The following GABPA variants were observed in gnomAD, a reference collection of about 807,000 sequenced individuals.
GABPA encodes GA binding protein transcription factor subunit alpha, also known as GA-binding protein alpha chain.
Under a neutral mutation model 59.4 loss-of-function variants are expected in GABPA, and 4 were observed. The observed-to-expected ratio is 0.07, with a 90% CI of 0.03 to 0.15. The LOEUF (loss-of-function observed/expected upper bound fraction) is 0.15, where lower values mean the gene tolerates loss of function less well. Among genes scored for constraint, GABPA ranks in the 10% least tolerant of loss-of-function variants. The pLI, the probability that GABPA is intolerant of heterozygous loss-of-function variation, is 1.00. For synonymous variants in GABPA, 164 were observed against 183.1 expected (o/e 0.90, Z 0.84); for missense variants, 251 against 543.8 (o/e 0.46, Z 5.36).
chr21:25,737,985 G>C (rs1340412305), intron 1 of GABPA, among the ~76,000 whole-genome samples: 1 of 152,140 alleles, frequency 6.6e-6, no homozygotes, highest in Non-Finnish European at 1.5e-5. Context: ...ATTGGCACCA[G>C]CTGTCACCAA....
Position 25,771,945 on chromosome 21 carries a change from A to G in GABPA, c.*2713A>G, listed in dbSNP as rs1287016942. ...ATCACAGTTATTTTTGTATCAGTCT[A>G]TGTTATTAGGAAAAATTGTTTAGTT... On this transcript the variant is annotated 3_prime_UTR_variant, in exon 10 of 10. Transcript: ENST00000400075. 2 of 152,180 alleles carry G rather than the reference A, an allele frequency of 1.3e-5. No individual in the cohort carries two copies. Among genetic ancestry groups the G allele is most frequent in the East Asian group, 1.9e-4 (1 of 5,192 alleles). The allele number at this position is 152,180 out of a possible 1,614,324, so 9.4% of individuals were successfully genotyped here.
intron 6 of GABPA, among the ~76,000 whole-genome samples, chr21:25,761,487 G>A (rs1257887287): frequency 6.6e-6 from 1 of 152,140 alleles, no homozygotes; most frequent in Non-Finnish European, 1.5e-5. Context: ...AGCTCTGCGT[G>A]TCTGGAACTG....
rs2035975560 is a variant in GABPA at position 25,769,901 on chromosome 21, A to G, written c.*669A>G. On this transcript the variant is annotated 3_prime_UTR_variant, in exon 10 of 10. Coordinates refer to ENST00000400075, the MANE Select transcript of GABPA (RefSeq NM_002040.4). ...CAAGCCAATTTTAAGGATTTTCTGT[A>G]TAGATTACTCATGTCAGACCAAGAA... is the stretch of plus-strand genomic sequence containing the variant. 1 of 152,638 alleles carries G rather than the reference A, an allele frequency of 6.6e-6. No individual in the cohort carries two copies. The highest frequency in any genetic ancestry group is 1.5e-5 in the Non-Finnish European group (1 of 68,030). 9.5% of individuals were successfully genotyped at this position (152,638 alleles called of 1,614,324 possible). A position where few individuals can be genotyped will look rare whatever the true frequency, so the allele number is the denominator to read the frequency against.
intron 5 of GABPA, among the ~76,000 whole-genome samples, chr21:25,755,754 C>T (rs910103224): frequency 4.6e-5 from 7 of 152,132 alleles, no homozygotes. Flanking sequence ...TAACTGGCCC[C>T]CCAAATGAAA....
At chr21:25,750,494 A>T (rs71649693) in intron 4 of GABPA, among the ~76,000 whole-genome samples, 4 of 152,238 alleles carry the variant, frequency 2.6e-5, no homozygotes, top group Non-Finnish European at 1.5e-5. Context: ...TGTAATAGAC[A>T]TAGAGTCATC....
intron 8 of GABPA, 22 bp from the exon 9 acceptor site, chr21:25,764,573 T>C: frequency 6.2e-7 from 1 of 1,600,174 alleles, no homozygotes; most frequent in Non-Finnish European, 8.6e-7. Flanking sequence ...TAGCTAATGC[T>C]TTGTTCCTCT....
intron 1 of GABPA, among the ~76,000 whole-genome samples, chr21:25,740,638 AT>A (rs2035195994): frequency 6.6e-6 from 1 of 152,218 alleles, no homozygotes; most frequent in Non-Finnish European, 1.5e-5. Flanking sequence ...ATAGATAAAA[AT>A]TTTACATGGG....
chr21:25,766,160 GA>G (rs1415484651), intron 9 of GABPA, among the ~76,000 whole-genome samples: 1 of 151,954 alleles, frequency 6.6e-6, no homozygotes, highest in East Asian at 1.9e-4. Flanking sequence ...GCAGTGGGGA[GA>G]AAACATATGA....
chr21:25,738,925 A>G (rs950817629), intron 1 of GABPA, among the ~76,000 whole-genome samples: 4 of 136,194 alleles, frequency 2.9e-5, no homozygotes, highest in Admixed American at 7.1e-5. Context: ...CATCAGCAAG[A>G]AAAAAAAAAA....
chr21:25,748,639 A>G (rs2035429020), intron 3 of GABPA, among the ~76,000 whole-genome samples: 1 of 152,230 alleles, frequency 6.6e-6, no homozygotes, highest in Admixed American at 6.5e-5. Flanking sequence ...AGATATGACA[A>G]GAATATGTTA....
At chr21:25,736,032 A>G (rs1157427556) in intron 1 of GABPA, among the ~76,000 whole-genome samples, 1 of 152,138 alleles carries the variant, frequency 6.6e-6, no homozygotes, top group Non-Finnish European at 1.5e-5. Flanking sequence ...CTCTCTTTAT[A>G]GAACAACACA....
At chr21:25,748,965 C>A in intron 3 of GABPA, 71 bp from the exon 4 acceptor site, 1 of 929,388 alleles carries the variant, frequency 1.1e-6, no homozygotes, top group Non-Finnish European at 1.8e-6. Context: ...TCCATTTATT[C>A]TAAACCAAAG....
Position 25,762,316 on chromosome 21 carries a change from A to G in GABPA, c.753A>G (p.Val251=), listed in dbSNP as rs201347218. 5 of 1,565,484 alleles carry G rather than the reference A, an allele frequency of 3.2e-6. No individual in the cohort carries two copies. The highest frequency in any genetic ancestry group is 4.5e-5 in the East Asian group (2 of 44,104). ...AAAAATTTTTGTTTTTTTCAGATGTATTGGCAAGTCAAGAACAACAGATGA... is the reference window on the plus strand; with the variant it reads ...AAAAATTTTTGTTTTTTTCAGATGTGTTGGCAAGTCAAGAACAACAGATGA... The part of the protein sequence containing the change: ...WSHLELLRKY[V]LASQEQQMNE... The change falls in exon 7 of 10, where the codon GTA becomes GTG. Residue 251 remains valine, a synonymous_variant. Coordinates refer to ENST00000400075, the MANE Select transcript of GABPA (RefSeq NM_002040.4).
chr21:25,761,779 G>A (rs943502178), intron 6 of GABPA, among the ~76,000 whole-genome samples: 2 of 152,170 alleles, frequency 1.3e-5, no homozygotes, highest in Non-Finnish European at 2.9e-5. Flanking sequence ...ATTTTTAAAT[G>A]TGAAATTATT....
At chr21:25,744,181 G>A (rs1373185590) in intron 2 of GABPA, among the ~76,000 whole-genome samples, 1 of 151,386 alleles carries the variant, frequency 6.6e-6, no homozygotes, top group Non-Finnish European at 1.5e-5. Context: ...AATCATGAGG[G>A]TTCTATTTTA....
chr21:25,764,859 T>C (rs1601153375), intron 9 of GABPA, 72 bp downstream of exon 9: 1 of 1,118,358 alleles, frequency 8.9e-7, no homozygotes, highest in East Asian at 2.8e-5. Context: ...TTATTCTAGA[T>C]GTAATAAGCA....
chr21:25,742,926 C>G (rs370166698), intron 2 of GABPA, among the ~76,000 whole-genome samples: 1 of 146,182 alleles, frequency 6.8e-6, no homozygotes, highest in Non-Finnish European at 1.5e-5. Flanking sequence ...GGACAAGGTG[C>G]GGTCTCAAAA....
At chr21:25,756,953 T>A (rs1317962826) in intron 5 of GABPA, among the ~76,000 whole-genome samples, 7 of 152,228 alleles carry the variant, frequency 4.6e-5, no homozygotes, top group Admixed American at 3.9e-4. Context: ...AATGCTTGCT[T>A]TTGCCTTTTG....
chr21:25,745,568 A>G (rs45624832), intron 3 of GABPA, among the ~76,000 whole-genome samples: 14,435 of 152,266 alleles, frequency 0.095, 935 homozygotes, highest in East Asian at 0.3. Flanking sequence ...AAAACAAATG[A>G]AACATTTGTT....
Sources: allele counts gnomAD v4.1 joint callset (sites outside exome capture counted in the v4.1 genomes callset), GRCh38; gene constraint gnomAD v4.1.1; transcripts MANE v1.5; gene names NCBI Gene and HGNC (gene_info 2026-07-23, HGNC 2026-07-21).